The following ZNF131 variants were observed in gnomAD, a reference collection of about 807,000 sequenced individuals.
ZNF131 encodes the protein zinc finger and BTB domain containing 35, also known as zinc finger protein 131.
Under a neutral mutation model 60.0 loss-of-function variants are expected in ZNF131, and 7 were observed. The observed-to-expected ratio is 0.12, with a 90% CI of 0.07 to 0.22. The LOEUF is 0.22. ZNF131 is among the 10% of genes least tolerant of loss of function. The probability of loss-of-function intolerance (pLI) is 1.00; values close to 1 mark genes in which losing one functional copy is unlikely to be tolerated. For synonymous variants in ZNF131, 257 were observed against 253.2 expected, an observed-to-expected ratio of 1.01 and a Z score of -0.14; for missense variants, 493 against 740.9, an observed-to-expected ratio of 0.67 and a Z score of 3.88.
chr5:43,148,176 A>G (rs1368951550), intron 4 of ZNF131, among the ~76,000 whole-genome samples: 1 of 150,834 alleles, frequency 6.6e-6, no homozygotes, highest in African/African-American at 2.4e-5. Context: ...GTTCAAGACC[A>G]GCCTGGGCAA....
At chr5:43,172,153 G>A (rs1040992048) in intron 5 of ZNF131, among the ~76,000 whole-genome samples, 5 of 152,166 alleles carry the variant, frequency 3.3e-5, no homozygotes, top group Non-Finnish European at 7.3e-5. Context: ...TTACATCACT[G>A]GTTAAAGTCA....
At chr5:43,150,550 G>A (rs1166039495) in intron 4 of ZNF131, among the ~76,000 whole-genome samples, 1 of 152,062 alleles carries the variant, frequency 6.6e-6, no homozygotes, top group African/African-American at 2.4e-5. Flanking sequence ...AGCACTTTGG[G>A]AGGCCGAGGC....
chr5:43,142,034 T>G (rs979704887), intron 4 of ZNF131, among the ~76,000 whole-genome samples: 2 of 151,934 alleles, frequency 1.3e-5, no homozygotes, highest in African/African-American at 4.8e-5. Flanking sequence ...TCTCATCATT[T>G]TTTTTGGTTA....
intron 5 of ZNF131, among the ~76,000 whole-genome samples, chr5:43,169,091 CAT>C (rs1323945169): frequency 1.3e-5 from 2 of 152,274 alleles, no homozygotes; most frequent in East Asian, 3.9e-4. Flanking sequence ...AGTGTGGAAT[CAT>C]AGAGGGAATG....
At chr5:43,137,308 T>C (rs1746243677) in intron 3 of ZNF131, among the ~76,000 whole-genome samples, 1 of 152,036 alleles carries the variant, frequency 6.6e-6, no homozygotes, top group Non-Finnish European at 1.5e-5. Flanking sequence ...ACCAAATAAA[T>C]GATAAGGAAT....
Position 43,176,108 on chromosome 5 carries a change from C to G in ZNF131, c.*975C>G, listed in dbSNP as rs988516874. 2 of 152,154 alleles carry G rather than the reference C, an allele frequency of 1.3e-5. No homozygotes were observed. Among genetic ancestry groups the G allele is most frequent in the African/African-American group, 4.8e-5 (2 of 41,428 alleles). 9.4% of individuals were successfully genotyped at this position (152,154 alleles called of 1,614,324 possible). A position where few individuals can be genotyped will look rare whatever the true frequency, so the allele number is the denominator to read the frequency against. The stretch of plus-strand genomic sequence containing the variant: ...GGCTTTGTTTTGAATGGAATCTTTT[C>G]CCCCAATTCTTAATGTAAAGATCTT... On this transcript the variant is annotated 3_prime_UTR_variant, in exon 7 of 7. Coordinates refer to ENST00000682664, the MANE Select transcript of ZNF131 (RefSeq NM_001330707.2).
chr5:43,139,220 A>G lies in ZNF131; in HGVS notation c.282A>G (p.Leu94=). ...TTGAGTTCACATATACAGCAAAATT[A>G]ATGATACAAGGAGAAGAAGAAGCCA... ...HLIEFTYTAK[L]MIQGEEEAND... Residue 94 remains leucine, a synonymous_variant, in exon 4 of 7, where the codon TTA becomes TTG. Transcript: ENST00000682664. 1 of 1,612,852 alleles carries G rather than the reference A, an allele frequency of 6.2e-7. No individual in the cohort carries two copies. Among genetic ancestry groups the G allele is most frequent in the Non-Finnish European group, 8.5e-7 (1 of 1,179,506 alleles).
At chr5:43,157,293 TC>T (rs1331272874) in intron 4 of ZNF131, among the ~76,000 whole-genome samples, 1 of 152,160 alleles carries the variant, frequency 6.6e-6, no homozygotes, top group Non-Finnish European at 1.5e-5. Flanking sequence ...CATTATGTTC[TC>T]CCCTCATCTC....
At position 43,142,434 on chromosome 5, in the gene ZNF131, G is replaced by A. The variant is rs113064012; in HGVS notation, c.371+3125G>A. 2.3e-3 allele frequency among the ~76,000 whole-genome samples: 345 copies of A among 149,912 alleles called. 2 individuals carry two copies. Among genetic ancestry groups the A allele is most frequent in the Non-Finnish European group, 3.5e-3 (236 of 67,240 alleles). On this transcript the variant is annotated intron_variant, in intron 4 of 6. Coordinates refer to ENST00000682664, the MANE Select transcript of ZNF131 (RefSeq NM_001330707.2). Reference sequence around the variant, plus strand: ...ATTCTCTGCCTCAGCCTCCCGAGTAGCTGTGATTACAGGCTTCCGCCACCA... The same window carrying A: ...ATTCTCTGCCTCAGCCTCCCGAGTAACTGTGATTACAGGCTTCCGCCACCA...
intron 4 of ZNF131, among the ~76,000 whole-genome samples, chr5:43,158,765 A>G (rs1749275841): frequency 6.6e-6 from 1 of 152,022 alleles, no homozygotes; most frequent in Admixed American, 6.6e-5. Context: ...TGTAGTCAAC[A>G]TGTTTGCTGC....
intron 3 of ZNF131, among the ~76,000 whole-genome samples, chr5:43,131,854 G>C (rs1745401716): frequency 6.6e-6 from 1 of 151,688 alleles, no homozygotes; most frequent in African/African-American, 2.4e-5. Context: ...GTAAGAGATT[G>C]TGAACCTATA....
At chr5:43,147,054 C>T (rs1747676370) in intron 4 of ZNF131, among the ~76,000 whole-genome samples, 1 of 152,110 alleles carries the variant, frequency 6.6e-6, no homozygotes, top group Non-Finnish European at 1.5e-5. Flanking sequence ...TGATTTTTAT[C>T]ACTAGTTTTT....
At chr5:43,124,389 T>A (rs1189301169) in intron 3 of ZNF131, 1 of 151,756 alleles carries the variant, frequency 6.6e-6, no homozygotes, top group African/African-American at 2.4e-5. Flanking sequence ...ACGTATTCTT[T>A]GTTCTGAATG....
chr5:43,121,805 C>T lies in ZNF131; in HGVS notation c.-15-234C>T, dbSNP rs532811310. 4.2e-5 allele frequency: 14 copies of T among 332,142 alleles called. No individual in the cohort carries two copies. In the East Asian group the frequency reaches 8.0e-4, roughly 19 times the overall value. The allele number at this position is 332,142 out of a possible 1,614,324, so 20.6% of individuals were successfully genotyped here. A position where few individuals can be genotyped will look rare whatever the true frequency, so the allele number is the denominator to read the frequency against. Reference sequence around the variant, plus strand: ...CGGCGCTGTGCCCACCCCGCTCTAGCTCGCGTCTCCCGACTCCAATTAGGT... The same window carrying T: ...CGGCGCTGTGCCCACCCCGCTCTAGTTCGCGTCTCCCGACTCCAATTAGGT... On this transcript the variant is annotated intron_variant, in intron 1 of 6. Coordinates refer to ENST00000682664, the MANE Select transcript of ZNF131 (RefSeq NM_001330707.2).
At chr5:43,151,062 T>A (rs184641672) in intron 4 of ZNF131, among the ~76,000 whole-genome samples, 2 of 152,200 alleles carry the variant, frequency 1.3e-5, no homozygotes, top group African/African-American at 4.8e-5. Context: ...TTTACAATTA[T>A]ACAGGCTCCA....
intron 1 of ZNF131, 94 bp from the exon 2 acceptor site, chr5:43,121,945 G>T: frequency 7.5e-7 from 1 of 1,341,964 alleles, no homozygotes; most frequent in South Asian, 1.5e-5. Flanking sequence ...TTCTTTTCAC[G>T]TTGCTGGTTT....
chr5:43,159,176 C>G (rs540522538), intron 4 of ZNF131, among the ~76,000 whole-genome samples: 2 of 152,224 alleles, frequency 1.3e-5, no homozygotes, highest in East Asian at 1.9e-4. Context: ...GGGCTACAAA[C>G]AAACCTGCCT....
At chr5:43,151,082 A>G (rs1319205035) in intron 4 of ZNF131, among the ~76,000 whole-genome samples, 2 of 151,968 alleles carry the variant, frequency 1.3e-5, no homozygotes, top group Admixed American at 1.3e-4. Context: ...ACATTGTCCC[A>G]TAGGGAGGAT....
At chr5:43,172,666 CT>C (rs1751148132) in intron 5 of ZNF131, among the ~76,000 whole-genome samples, 1 of 151,526 alleles carries the variant, frequency 6.6e-6, no homozygotes, top group Admixed American at 6.6e-5. Flanking sequence ...CTCTATTTGG[CT>C]CCAGAATTAT....
Sources: gnomAD v4.1 joint callset for allele counts (sites outside exome capture counted in the v4.1 genomes callset) on GRCh38, gnomAD v4.1.1 for gene constraint, MANE v1.5 for transcripts, NCBI Gene and HGNC (gene_info 2026-07-23, HGNC 2026-07-21) for gene names.